Variants in ABCA6 observed in about 807,000 individuals in gnomAD.
ABCA6 encodes ATP binding cassette subfamily A member 6, also known as ATP-binding cassette sub-family A member 6.
A neutral mutation model predicts 191.2 loss-of-function variants in ABCA6; 164 were observed. The ratio of observed to expected loss-of-function variants is 0.86; its 90% CI spans 0.76 to 0.98. The LOEUF is 0.98. Among genes scored for constraint, ABCA6 ranks in the 50% least tolerant of loss-of-function variants. The pLI is 0.00. For missense variants in ABCA6, 1,958 were observed against 1,894.1 expected (o/e 1.03, Z -0.63); for synonymous variants, 636 against 647.7 (o/e 0.98, Z 0.27).
intron 23 of ABCA6, 120 bp from the exon 24 acceptor site, chr17:69,096,921 T>C: frequency 2.4e-6 from 2 of 832,290 alleles, no homozygotes; most frequent in Non-Finnish European, 3.5e-6. Flanking sequence ...TCTTCTAATA[T>C]TAAAAAAAAT....
intron 29 of ABCA6, 44 bp from the exon 30 acceptor site, chr17:69,086,779 C>T (rs772978520): frequency 5.8e-6 from 8 of 1,375,968 alleles, no homozygotes; most frequent in South Asian, 1.2e-5. Context: ...ATTTCAGAGA[C>T]TTTAGGTCTC....
intron 14 of ABCA6, 121 bp downstream of exon 14, chr17:69,113,496 TA>T: frequency 6.5e-7 from 1 of 1,541,488 alleles, no homozygotes. Flanking sequence ...TATTTATAGT[TA>T]AACATAGCAG....
chr17:69,138,689 C>T, intron 2 of ABCA6, among the ~76,000 whole-genome samples: 1 of 151,370 alleles, frequency 6.6e-6, no homozygotes, highest in South Asian at 2.1e-4. Context: ...TACCTGACTT[C>T]AAACTATACT....
At chr17:69,084,080 C>T (rs1290365833) in intron 34 of ABCA6, among the ~76,000 whole-genome samples, 181 bp downstream of exon 34, 1 of 152,142 alleles carries the variant, frequency 6.6e-6, no homozygotes, top group Non-Finnish European at 1.5e-5. Context: ...AACCTGAATA[C>T]CACGTGAACA....
Position 69,085,531 on chromosome 17 carries a change from A to G in ABCA6, c.4029+94T>C, listed in dbSNP as rs1025548357. 1.4e-4 allele frequency: 114 copies of G among 806,960 alleles called. No individual in the cohort carries two copies. In the African/African-American group the frequency reaches 1.5e-3, roughly 10 times the overall value. 50.0% of individuals were successfully genotyped at this position (806,960 alleles called of 1,614,324 possible). A position where few individuals can be genotyped will look rare whatever the true frequency, so the allele number is the denominator to read the frequency against. On this transcript the variant is annotated intron_variant, in intron 31 of 38. Coordinates refer to ENST00000284425, the MANE Select transcript of ABCA6 (RefSeq NM_080284.3). Reference sequence around the variant, plus strand: ...ATTTATCCAAAGGCAAAAAAAAAAAAAAAAGAAAAGAAAAATAGTATAGTC... The same window carrying G: ...ATTTATCCAAAGGCAAAAAAAAAAAGAAAAGAAAAGAAAAATAGTATAGTC...
intron 21 of ABCA6, among the ~76,000 whole-genome samples, chr17:69,101,210 T>A (rs968471727): frequency 6.6e-6 from 1 of 152,230 alleles, no homozygotes; most frequent in Non-Finnish European, 1.5e-5. Flanking sequence ...TAATTTTAGA[T>A]AATTTTGTCT....
chr17:69,092,298 AAT>A (rs2072944068), intron 25 of ABCA6, among the ~76,000 whole-genome samples: 1 of 152,234 alleles, frequency 6.6e-6, no homozygotes, highest in Non-Finnish European at 1.5e-5. Flanking sequence ...AGGTTTTAAT[AAT>A]CTAGCATGAA....
intron 22 of ABCA6, 161 bp from the exon 23 acceptor site, chr17:69,098,188 T>C: frequency 2.1e-6 from 1 of 471,978 alleles, no homozygotes; most frequent in East Asian, 3.4e-5. Context: ...ACTCTGATCT[T>C]CAACTCAAAG....
At chr17:69,091,081 G>A in intron 26 of ABCA6, 62 bp downstream of exon 26, 1 of 1,535,744 alleles carries the variant, frequency 6.5e-7, no homozygotes, top group Non-Finnish European at 8.8e-7. Context: ...TCTTGATCTG[G>A]GAAAAGCACT....
At chr17:69,096,059 C>T (rs183450544) in intron 25 of ABCA6, among the ~76,000 whole-genome samples, 181 bp downstream of exon 25, 2 of 152,286 alleles carry the variant, frequency 1.3e-5, no homozygotes, top group Admixed American at 6.5e-5. Flanking sequence ...ATGGGTAGCA[C>T]CTGATTTCTT....
intron 8 of ABCA6, among the ~76,000 whole-genome samples, chr17:69,125,418 T>C (rs2073732700): frequency 6.6e-6 from 1 of 152,098 alleles, no homozygotes; most frequent in South Asian, 2.1e-4. Flanking sequence ...CCTCCTTTTC[T>C]AGTTATTATT....
chr17:69,100,145 G>C (rs1462655444), intron 22 of ABCA6, among the ~76,000 whole-genome samples: 1 of 152,198 alleles, frequency 6.6e-6, no homozygotes, highest in Non-Finnish European at 1.5e-5. Flanking sequence ...GCAAGCTATT[G>C]TTGCTTCTGG....
At position 69,124,799 on chromosome 17, in the gene ABCA6, A is replaced by T. The variant is rs1298353636; in HGVS notation, c.1267+89T>A. 5.8e-6 allele frequency: 4 copies of T among 688,696 alleles called. No individual in the cohort carries two copies. In the East Asian group the frequency reaches 1.4e-4, roughly 24 times the overall value. The allele number at this position is 688,696 out of a possible 1,614,324, so 42.7% of individuals were successfully genotyped here. On this transcript the variant is annotated intron_variant, in intron 9 of 38. Transcript: ENST00000284425. ...TAGTTTGAAATGGGAAATATTTAAT[A>T]TTCATTTTAAAAGTCTATATAATCT...
At chr17:69,134,886 G>GTTTTTTTTTTT (rs1454692425) in intron 4 of ABCA6, 144 bp from the exon 5 acceptor site, 63 of 126,962 alleles carry the variant, frequency 5.0e-4, no homozygotes, top group South Asian at 8.7e-4. Context: ...TGTTGTGGTT[G>GTTTTTTTTTTT]TCTTTTTTTT....
rs1416028358 is a variant in ABCA6 at position 69,113,342 on chromosome 17, G to C, written c.1921C>G (p.Pro641Ala). Residue 641 changes from proline to alanine, a missense_variant, in exon 15 of 39, where the codon CCA (proline) becomes GCA (alanine). Physicochemically the swap from Pro to Ala is conservative, Grantham distance 27 (BLOSUM62 -1). Transcript: ENST00000284425. ...GAAAAGGGATCCAATCCAGTAGTTG[G>C]TTCATCTAAAAGCAAAATCTACAGA... ...GDPQILLLDE[P>A]TTGLDPFSRD... The C allele has an allele frequency of 6.3e-7, 1 of 1,591,740 alleles. No individual in the cohort carries two copies. Among genetic ancestry groups the C allele is most frequent in the Admixed American group, 1.9e-5 (1 of 51,776 alleles).
At chr17:69,126,437 C>T (rs2073754422) in intron 8 of ABCA6, among the ~76,000 whole-genome samples, 1 of 151,916 alleles carries the variant, frequency 6.6e-6, no homozygotes, top group South Asian at 2.1e-4. Flanking sequence ...CTTTTTTGAG[C>T]CCAGGAGGTT....
At chr17:69,135,753 G>C (rs1005231243) in intron 4 of ABCA6, 1 of 399,618 alleles carries the variant, frequency 2.5e-6, no homozygotes, top group Non-Finnish European at 4.4e-6. Flanking sequence ...AAGTGCCCAT[G>C]AAACACTTTT....
chr17:69,105,664 A>G (rs1174468227), intron 19 of ABCA6, 36 bp from the exon 20 acceptor site: 1 of 1,377,524 alleles, frequency 7.3e-7, no homozygotes, highest in Non-Finnish European at 1.0e-6. Context: ...ATTAATCTCC[A>G]GGAATTTTAT....
intron 18 of ABCA6, among the ~76,000 whole-genome samples, chr17:69,107,105 T>C (rs1266961141): frequency 6.6e-6 from 1 of 152,188 alleles, no homozygotes; most frequent in Non-Finnish European, 1.5e-5. Flanking sequence ...ACATCTGTGA[T>C]TGGGGAAAAT....
Sources: gnomAD v4.1 joint callset for allele counts (sites outside exome capture counted in the v4.1 genomes callset) on GRCh38, gnomAD v4.1.1 for gene constraint, MANE v1.5 for transcripts, NCBI Gene and HGNC (gene_info 2026-07-23, HGNC 2026-07-21) for gene names.